C18orf54: variants seen among roughly 807,000 people sequenced by gnomAD.
C18orf54 encodes chromosome 18 open reading frame 54.
C18orf54 carries 49 observed loss-of-function variants against 49.3 expected under a neutral mutation model. That is an observed-to-expected ratio of 0.99 (90% CI 0.79 to 1.26). The LOEUF is 1.26. C18orf54 is among the 50% of genes most tolerant of loss of function. C18orf54 has a pLI of 0.00. For synonymous variants in C18orf54, 211 were observed against 216.6 expected (o/e 0.97, Z 0.23); for missense variants, 687 against 620.6 (o/e 1.11, Z -1.14).
chr18:54,362,084 C>T lies in C18orf54; in HGVS notation c.725C>T (p.Thr242Ile), dbSNP rs371531157. The change falls in exon 4 of 9, where the codon ACT (threonine) becomes ATT (isoleucine). Residue 242 changes from threonine to isoleucine, a missense_variant. Thr to Ile is a moderately conservative substitution (Grantham distance 89, BLOSUM62 -1). Transcript: ENST00000620105. ...SLEKNYPRWLTSQKSDLNVSG... is the reference protein window; with the variant it reads ...SLEKNYPRWLISQKSDLNVSG... ...GAAAAGAATTACCCAAGATGGCTCA[C>T]TAGCCAGAAATCTGACCTTAATGTT... 140 of 1,542,494 alleles carry T rather than the reference C, an allele frequency of 9.1e-5. No individual in the cohort carries two copies. The East Asian group carries it at 2.8e-3, about 31-fold the overall frequency.
At chr18:54,377,774 A>ATT (rs2089600854) in intron 8 of C18orf54, among the ~76,000 whole-genome samples, 1 of 152,152 alleles carries the variant, frequency 6.6e-6, no homozygotes, top group Non-Finnish European at 1.5e-5. Flanking sequence ...TAATTTCTGT[A>ATT]TTTTACTTCT....
chr18:54,366,825 A>AC (rs397715760), intron 6 of C18orf54, among the ~76,000 whole-genome samples: 1 of 151,414 alleles, frequency 6.6e-6, no homozygotes, highest in Non-Finnish European at 1.5e-5. Context: ...ATAAAAAAAA[A>AC]GTCCATAATT....
chr18:54,360,855 G>A lies in C18orf54; in HGVS notation c.283G>A (p.Ala95Thr), dbSNP rs1439898740. 1.2e-6 allele frequency: 2 copies of A among 1,607,562 alleles called. No homozygotes were observed. The highest frequency in any genetic ancestry group is 3.3e-5 in the Admixed American group (2 of 59,892). The change falls in exon 3 of 9, where the codon GCT (alanine) becomes ACT (threonine). Residue 95 changes from alanine (A) to threonine (T), a missense_variant and splice_region_variant. Transcript: ENST00000620105. ...FCNYIYKPNN[A>T]FENLDHKKHS... ...CAACTATATTTACAAACCAAACAATGGTATGCTTTTATTCTTTGTTTTCTT... is the reference window on the plus strand; with the variant it reads ...CAACTATATTTACAAACCAAACAATAGTATGCTTTTATTCTTTGTTTTCTT...
chr18:54,370,320 A>G (rs1453029172), intron 6 of C18orf54, among the ~76,000 whole-genome samples: 1 of 152,070 alleles, frequency 6.6e-6, no homozygotes, highest in Non-Finnish European at 1.5e-5. Flanking sequence ...GCAAGTATTT[A>G]CATACTGTTG....
At chr18:54,375,847 A>G (rs945792626) in intron 8 of C18orf54, among the ~76,000 whole-genome samples, 15 of 151,854 alleles carry the variant, frequency 9.9e-5, no homozygotes, top group Admixed American at 3.3e-4. Flanking sequence ...TTGTCTTTAC[A>G]TTTCTAAAGT....
chr18:54,376,599 G>C (rs1352857847), intron 8 of C18orf54, among the ~76,000 whole-genome samples: 1 of 152,184 alleles, frequency 6.6e-6, no homozygotes, highest in Non-Finnish European at 1.5e-5. Flanking sequence ...CTCCCAAAGT[G>C]CTGGATTACA....
At chr18:54,358,278 G>C (rs2089187404) in intron 1 of C18orf54, among the ~76,000 whole-genome samples, 1 of 152,138 alleles carries the variant, frequency 6.6e-6, no homozygotes, top group African/African-American at 2.4e-5. Flanking sequence ...GAACACTGTA[G>C]GGGGAGTGCC....
intron 8 of C18orf54, among the ~76,000 whole-genome samples, chr18:54,377,627 T>A (rs957863656): frequency 1.3e-5 from 2 of 152,204 alleles, no homozygotes; most frequent in African/African-American, 4.8e-5. Flanking sequence ...GTTGTTGGTA[T>A]AACAACACAT....
chr18:54,360,915 A>G lies in C18orf54; in HGVS notation c.283+60A>G, dbSNP rs187331715. 4.1e-6 allele frequency: 6 copies of G among 1,459,212 alleles called. No individual in the cohort carries two copies. In the East Asian group the frequency reaches 1.1e-4, roughly 28 times the overall value. The allele number at this position is 1,459,212 out of a possible 1,614,324, so 90.4% of individuals were successfully genotyped here. On this transcript the variant is annotated intron_variant, in intron 3 of 8. Transcript: ENST00000620105. ...ATGTTTTGAAGCATTTGGGAGATGT[A>G]CTGTAGTATTGTAAAGTTTGACATT...
chr18:54,374,171 T>C (rs769119393), intron 7 of C18orf54, 43 bp from the exon 8 acceptor site: 649 of 1,387,636 alleles, frequency 4.7e-4, no homozygotes, highest in Non-Finnish European at 5.9e-4. Context: ...TTTGTAGTTA[T>C]ATAATTTTAA....
chr18:54,378,514 A>G lies in C18orf54; in HGVS notation c.*268A>G. The G allele has an allele frequency of 4.2e-6, 1 of 235,744 alleles. No homozygotes were observed. Among genetic ancestry groups the G allele is most frequent in the Non-Finnish European group, 8.2e-6 (1 of 122,520 alleles). 14.6% of individuals were successfully genotyped at this position (235,744 alleles called of 1,614,324 possible). On this transcript the variant is annotated 3_prime_UTR_variant, in exon 9 of 9. Transcript: ENST00000620105. ...TTCGCCTTCTGGCCAGCAAATGTCT[A>G]ATATTTAAAGATGGATGACTTCTGT...
At chr18:54,369,217 TATAAATAAACAC>T (rs904306675) in intron 6 of C18orf54, among the ~76,000 whole-genome samples, 2 of 152,174 alleles carry the variant, frequency 1.3e-5, no homozygotes, top group Non-Finnish European at 2.9e-5. Context: ...TGTGTTTACA[TATAAATAAACAC>T]ATATATGTAT....
chr18:54,371,964 C>T (rs1205728226), intron 6 of C18orf54, among the ~76,000 whole-genome samples: 2 of 151,930 alleles, frequency 1.3e-5, no homozygotes, highest in East Asian at 3.9e-4. Flanking sequence ...CAAATAAGTC[C>T]AGGGGTAATC....
At chr18:54,359,367 A>G (rs1294921952) in intron 2 of C18orf54, among the ~76,000 whole-genome samples, 1 of 152,244 alleles carries the variant, frequency 6.6e-6, no homozygotes, top group Non-Finnish European at 1.5e-5. Context: ...TACAGAATTC[A>G]GATAAATCAA....
intron 3 of C18orf54, 46 bp from the exon 4 acceptor site, chr18:54,361,597 A>G (rs912825720): frequency 2.8e-6 from 4 of 1,444,044 alleles, no homozygotes; most frequent in Non-Finnish European, 3.7e-6. Flanking sequence ...GTTGGATATT[A>G]TAAAATATTT....
rs2089284462 is a variant in C18orf54, at chr18:54,362,163, A to C, written c.804A>C (p.Gln268His). ...AATACCCAGTCTGGCTGCACAATCA[A>C]GACTTGCTACCTGATGCAAATAGTC... The part of the protein sequence containing the change: ...DFKYPVWLHN[Q>H]DLLPDANSQR... Residue 268 changes from glutamine (Q) to histidine (H), a missense_variant, in exon 4 of 9, where the codon CAA becomes CAC. By Grantham distance (24) the Gln-to-His change is conservative. Coordinates refer to ENST00000620105, the MANE Select transcript of C18orf54 (RefSeq NM_001288980.2). The C allele has an allele frequency of 8.5e-6, 13 of 1,536,230 alleles. No homozygotes were observed. Among genetic ancestry groups the C allele is most frequent in the Non-Finnish European group, 1.1e-5 (13 of 1,146,896 alleles).
chr18:54,365,630 T>C lies in C18orf54; in HGVS notation c.1224-89T>C. 3 of 668,518 alleles carry C rather than the reference T, an allele frequency of 4.5e-6. No homozygotes were observed. In the South Asian group the frequency reaches 7.9e-5, roughly 18 times the overall value. 41.4% of individuals were successfully genotyped at this position (668,518 alleles called of 1,614,324 possible). The stretch of plus-strand genomic sequence containing the variant: ...GATTATTTCTTGGTGACTACTTGTA[T>C]TTAAATGAGAATTCTTAAATTATAT... On this transcript the variant is annotated intron_variant, in intron 5 of 8. Coordinates refer to ENST00000620105, the MANE Select transcript of C18orf54 (RefSeq NM_001288980.2).
intron 7 of C18orf54, 89 bp from the exon 8 acceptor site, chr18:54,374,125 T>C: frequency 9.5e-7 from 1 of 1,051,406 alleles, no homozygotes; most frequent in Non-Finnish European, 1.3e-6. Context: ...GAAAATATTT[T>C]TTAATGTTTT....
At chr18:54,377,702 A>G (rs2089599593) in intron 8 of C18orf54, among the ~76,000 whole-genome samples, 2 of 152,202 alleles carry the variant, frequency 1.3e-5, no homozygotes, top group African/African-American at 4.8e-5. Context: ...TTTTGTTCAG[A>G]TCTGTAACTA....
Sources: gnomAD v4.1 joint callset for allele counts (sites outside exome capture counted in the v4.1 genomes callset) on GRCh38, gnomAD v4.1.1 for gene constraint, MANE v1.5 for transcripts, NCBI Gene and HGNC (gene_info 2026-07-23, HGNC 2026-07-21) for gene names.